Variants in RANBP17 observed in about 807,000 individuals in gnomAD.
The protein encoded by RANBP17 is ran-binding protein 17.
A neutral mutation model predicts 141.2 loss-of-function variants in RANBP17; 158 were observed. The observed-to-expected ratio is 1.12, with a 90% confidence interval of 0.98 to 1.28. The LOEUF is 1.28. Among genes scored for constraint, RANBP17 ranks in the 50% most tolerant of loss-of-function variants. The pLI, the probability that RANBP17 is intolerant of heterozygous loss-of-function variation, is 0.00. For missense variants in RANBP17, 1,438 were observed against 1,290.7 expected (o/e 1.11, Z -1.75); for synonymous variants, 430 against 450.0 (o/e 0.96, Z 0.56).
chr5:171,200,655 T>A (rs1272477803), intron 19 of RANBP17, among the ~76,000 whole-genome samples: 1 of 152,102 alleles, frequency 6.6e-6, no homozygotes, highest in African/African-American at 2.4e-5. Flanking sequence ...GTTGGAAATA[T>A]TAACCATCTT....
chr5:170,923,107 A>G (rs1772612026), intron 11 of RANBP17, among the ~76,000 whole-genome samples: 2 of 151,884 alleles, frequency 1.3e-5, no homozygotes, highest in South Asian at 2.1e-4. Flanking sequence ...TTTTTCTTTT[A>G]TTTTCCCTTC....
chr5:171,152,001 G>C (rs1758521212), intron 14 of RANBP17, among the ~76,000 whole-genome samples: 1 of 152,088 alleles, frequency 6.6e-6, no homozygotes, highest in Non-Finnish European at 1.5e-5. Flanking sequence ...TCAAGAATGT[G>C]AAGAATAGAA....
At chr5:171,297,356 A>G (rs1055779945) in intron 27 of RANBP17, among the ~76,000 whole-genome samples, 40 of 152,346 alleles carry the variant, frequency 2.6e-4, no homozygotes, top group African/African-American at 9.6e-4. Context: ...ACAGACAGTA[A>G]TGAATGATGG....
intron 14 of RANBP17, among the ~76,000 whole-genome samples, chr5:171,021,887 T>C (rs1359332580): frequency 6.6e-6 from 1 of 152,242 alleles, no homozygotes; most frequent in Non-Finnish European, 1.5e-5. Context: ...TCATTGATTC[T>C]GTCTCATCTT....
At chr5:171,069,464 A>G (rs72827535) in intron 14 of RANBP17, among the ~76,000 whole-genome samples, 322 of 152,322 alleles carry the variant, frequency 2.1e-3, no homozygotes, top group Non-Finnish European at 3.7e-3. Flanking sequence ...TGCTAGCTCA[A>G]TGGTTTCAGT....
intron 13 of RANBP17, among the ~76,000 whole-genome samples, chr5:170,955,615 G>GTC (rs1222294000): frequency 9.4e-5 from 2 of 21,246 alleles, no homozygotes; most frequent in African/African-American, 1.6e-4. Flanking sequence ...TATATGCTCA[G>GTC]TGTATATATA....
At chr5:171,211,251 T>A (rs1425123346) in intron 20 of RANBP17, among the ~76,000 whole-genome samples, 1 of 152,056 alleles carries the variant, frequency 6.6e-6, no homozygotes, top group African/African-American at 2.4e-5. Context: ...CTTCCCTGCC[T>A]TATTTTCCTT....
chr5:171,166,736 TTCTGCATGTTA>T (rs1262593859), intron 14 of RANBP17, among the ~76,000 whole-genome samples: 2 of 152,218 alleles, frequency 1.3e-5, no homozygotes, highest in African/African-American at 4.8e-5. Context: ...TTTTCATGTT[TTCTGCATGTTA>T]TCTGAATGAT....
intron 14 of RANBP17, among the ~76,000 whole-genome samples, chr5:171,121,958 G>A (rs1309080000): frequency 2.0e-5 from 3 of 152,202 alleles, no homozygotes; most frequent in African/African-American, 7.2e-5. Context: ...GCAGCTGCAT[G>A]AATTTCCAGC....
At chr5:171,018,474 C>A (rs114744626) in intron 14 of RANBP17, among the ~76,000 whole-genome samples, 3 of 152,166 alleles carry the variant, frequency 2.0e-5, no homozygotes, top group African/African-American at 7.2e-5. Flanking sequence ...GTCCTTACAT[C>A]CCTTGTTAGC....
chr5:171,220,691 A>T (rs181290268), intron 21 of RANBP17, among the ~76,000 whole-genome samples: 2 of 151,868 alleles, frequency 1.3e-5, no homozygotes, highest in Admixed American at 1.3e-4. Context: ...CAGGTGATCC[A>T]CCCATCTCGG....
intron 12 of RANBP17, among the ~76,000 whole-genome samples, chr5:170,942,348 G>T (rs1487478142): frequency 1.3e-5 from 2 of 151,990 alleles, no homozygotes; most frequent in African/African-American, 4.8e-5. Flanking sequence ...ATGTCAAAAA[G>T]TGGAAACAGC....
chr5:170,887,391 AT>A (rs1561856730), intron 3 of RANBP17, among the ~76,000 whole-genome samples: 1 of 152,014 alleles, frequency 6.6e-6, no homozygotes, highest in East Asian at 1.9e-4. Flanking sequence ...ATTTTCTCTT[AT>A]TTTATCTTCT....
chr5:171,022,180 G>T (rs1041869416), intron 14 of RANBP17, among the ~76,000 whole-genome samples: 1 of 152,158 alleles, frequency 6.6e-6, no homozygotes, highest in Non-Finnish European at 1.5e-5. Context: ...CTCCTTCTCA[G>T]ATCTTTGACT....
intron 14 of RANBP17, among the ~76,000 whole-genome samples, chr5:171,048,658 T>G (rs1782751933): frequency 6.6e-6 from 1 of 152,176 alleles, no homozygotes; most frequent in South Asian, 2.1e-4. Flanking sequence ...TAGACTGTGC[T>G]GTCTGTTGTT....
chr5:171,026,910 C>T (rs1369516302), intron 14 of RANBP17, among the ~76,000 whole-genome samples: 4 of 152,204 alleles, frequency 2.6e-5, no homozygotes, highest in African/African-American at 4.8e-5. Flanking sequence ...AGGAGGTGAG[C>T]GGTGCGTGAG....
At chr5:170,896,581 G>GC (rs1171094946) in intron 5 of RANBP17, among the ~76,000 whole-genome samples, 1 of 152,148 alleles carries the variant, frequency 6.6e-6, no homozygotes, top group African/African-American at 2.4e-5. Flanking sequence ...TGTAATGCCA[G>GC]CACTTTGGGA....
At chr5:170,867,607 C>T (rs955736807) in intron 1 of RANBP17, among the ~76,000 whole-genome samples, 2 of 152,100 alleles carry the variant, frequency 1.3e-5, no homozygotes, top group South Asian at 4.2e-4. Flanking sequence ...AGCTTAATTC[C>T]AGAAGGCAGG....
At chr5:171,244,049 T>C (rs557744580) in intron 24 of RANBP17, among the ~76,000 whole-genome samples, 5 of 152,012 alleles carry the variant, frequency 3.3e-5, no homozygotes, top group African/African-American at 9.7e-5. Context: ...GACTGCACCA[T>C]TGCACTCAGC....
Sources: gnomAD v4.1 joint callset for allele counts (sites outside exome capture counted in the v4.1 genomes callset) on GRCh38, gnomAD v4.1.1 for gene constraint, MANE v1.5 for transcripts, NCBI Gene and HGNC (gene_info 2026-07-23, HGNC 2026-07-21) for gene names.